Variants in SMYD3 observed in about 807,000 individuals in gnomAD.
The protein encoded by SMYD3 is histone-lysine N-methyltransferase SMYD3.
In SMYD3, 36 loss-of-function variants were observed where a neutral mutation model predicts 57.7. The observed-to-expected ratio is 0.62, with a 90% CI of 0.48 to 0.82. SMYD3 has a LOEUF of 0.82. Among genes scored for constraint, SMYD3 ranks in the 40% least tolerant of loss-of-function variants. SMYD3 has a pLI of 0.00. For synonymous variants in SMYD3, 211 were observed against 195.0 expected, an observed-to-expected ratio of 1.08 and a Z score of -0.68; for missense variants, 515 against 538.8, an observed-to-expected ratio of 0.96 and a Z score of 0.44.
intron 10 of SMYD3, among the ~76,000 whole-genome samples, chr1:245,791,169 C>T (rs988003670): frequency 6.6e-5 from 10 of 152,142 alleles, no homozygotes; most frequent in Non-Finnish European, 4.4e-5. Context: ...TCAGTGATTT[C>T]ATCAAGCTGG....
At chr1:246,475,181 A>G (rs1481013727) in intron 1 of SMYD3, among the ~76,000 whole-genome samples, 2 of 152,062 alleles carry the variant, frequency 1.3e-5, no homozygotes, top group East Asian at 3.9e-4. Context: ...AAACACAAAA[A>G]ATTAGCCAGG....
intron 5 of SMYD3, among the ~76,000 whole-genome samples, chr1:246,091,552 A>C (rs1423927689): frequency 6.6e-6 from 1 of 151,676 alleles, no homozygotes; most frequent in Non-Finnish European, 1.5e-5. Context: ...AATGTGCTTT[A>C]AATTTGGCTG....
At chr1:245,951,992 A>T (rs933191682) in intron 5 of SMYD3, among the ~76,000 whole-genome samples, 1 of 152,226 alleles carries the variant, frequency 6.6e-6, no homozygotes, top group Non-Finnish European at 1.5e-5. Context: ...CTGCATTTGC[A>T]TATGTGAGGT....
At chr1:246,246,481 T>C (rs1387755541) in intron 5 of SMYD3, among the ~76,000 whole-genome samples, 1 of 152,158 alleles carries the variant, frequency 6.6e-6, no homozygotes, top group African/African-American at 2.4e-5. Context: ...AATGAAGTCA[T>C]TATCATAAGT....
At chr1:245,783,717 G>A (rs1286427611) in intron 10 of SMYD3, among the ~76,000 whole-genome samples, 2 of 152,134 alleles carry the variant, frequency 1.3e-5, no homozygotes, top group East Asian at 3.9e-4. Context: ...CTCAACCCAC[G>A]TAAATTAATT....
intron 2 of SMYD3, among the ~76,000 whole-genome samples, chr1:246,347,990 G>A (rs1411697198): frequency 2.7e-5 from 4 of 148,278 alleles, no homozygotes; most frequent in Non-Finnish European, 4.5e-5. Context: ...CTCTCCCTGC[G>A]CTGTTCACAA....
chr1:246,256,153 T>G (rs187868380), intron 5 of SMYD3, among the ~76,000 whole-genome samples: 1 of 152,226 alleles, frequency 6.6e-6, no homozygotes, highest in East Asian at 1.9e-4. Context: ...TGGAGTCTGA[T>G]GGTCGAGGGC....
intron 1 of SMYD3, among the ~76,000 whole-genome samples, chr1:246,481,815 A>G (rs2068113657): frequency 1.3e-5 from 2 of 150,476 alleles, no homozygotes; most frequent in South Asian, 4.2e-4. Context: ...ATCGATCAAT[A>G]CTCTACTGGT....
chr1:246,040,057 G>A (rs977956078), intron 5 of SMYD3, among the ~76,000 whole-genome samples: 8 of 152,140 alleles, frequency 5.3e-5, no homozygotes, highest in South Asian at 4.1e-4. Context: ...CATTTCTCCC[G>A]GCTAGTATTA....
intron 5 of SMYD3, among the ~76,000 whole-genome samples, chr1:246,225,091 A>G (rs2063308954): frequency 6.6e-6 from 1 of 151,928 alleles, no homozygotes; most frequent in Non-Finnish European, 1.5e-5. Flanking sequence ...ATTTAAAGTC[A>G]TAGAAATAAA....
chr1:246,356,527 C>T (rs1361852097), intron 1 of SMYD3, among the ~76,000 whole-genome samples: 3 of 152,108 alleles, frequency 2.0e-5, no homozygotes, highest in Admixed American at 1.3e-4. Context: ...TGAACTCCAA[C>T]TTAAAGAAAT....
At chr1:246,499,043 C>A (rs1413170472) in intron 1 of SMYD3, among the ~76,000 whole-genome samples, 1 of 151,988 alleles carries the variant, frequency 6.6e-6, no homozygotes, top group Non-Finnish European at 1.5e-5. Context: ...GATCCTCCCA[C>A]CTCGTCCTAA....
At chr1:245,822,256 A>G (rs2148343803) in intron 10 of SMYD3, among the ~76,000 whole-genome samples, 1 of 151,884 alleles carries the variant, frequency 6.6e-6, no homozygotes, top group African/African-American at 2.4e-5. Flanking sequence ...AGGGACATGG[A>G]TGAAATTGGA....
intron 10 of SMYD3, among the ~76,000 whole-genome samples, chr1:245,827,312 A>G (rs1367112442): frequency 6.6e-6 from 1 of 152,104 alleles, no homozygotes; most frequent in Non-Finnish European, 1.5e-5. Flanking sequence ...GATCAACACA[A>G]CAGAGAGCGA....
chr1:245,864,607 A>G (rs886149651), intron 8 of SMYD3, among the ~76,000 whole-genome samples: 1 of 152,180 alleles, frequency 6.6e-6, no homozygotes, highest in Non-Finnish European at 1.5e-5. Context: ...TAGGGCTAAG[A>G]GGATTGGAGG....
intron 7 of SMYD3, among the ~76,000 whole-genome samples, chr1:245,919,225 C>A (rs532109448): frequency 6.6e-6 from 1 of 152,156 alleles, no homozygotes; most frequent in Non-Finnish European, 1.5e-5. Context: ...TAAAAACTTG[C>A]GATGGTTTCT....
intron 2 of SMYD3, among the ~76,000 whole-genome samples, chr1:246,345,024 T>C (rs1230173290): frequency 6.6e-6 from 1 of 152,158 alleles, no homozygotes; most frequent in Non-Finnish European, 1.5e-5. Context: ...AGGTCTCAAA[T>C]ATTTTCTCCA....
chr1:245,956,303 T>C (rs2057839015), intron 5 of SMYD3, among the ~76,000 whole-genome samples: 1 of 152,160 alleles, frequency 6.6e-6, no homozygotes, highest in Non-Finnish European at 1.5e-5. Context: ...GATAAACGAA[T>C]TTGAGAAGAA....
At chr1:246,505,411 AAC>A (rs2068521327) in intron 1 of SMYD3, among the ~76,000 whole-genome samples, 1 of 148,462 alleles carries the variant, frequency 6.7e-6, no homozygotes, top group African/African-American at 2.6e-5. Context: ...ACTCTCCAGC[AAC>A]AGTGAGTTTC....
Sources: allele counts gnomAD v4.1 joint callset (sites outside exome capture counted in the v4.1 genomes callset), GRCh38; gene constraint gnomAD v4.1.1; transcripts MANE v1.5; gene names NCBI Gene and HGNC (gene_info 2026-07-23, HGNC 2026-07-21).